The following ILKAP variants were observed in gnomAD, a reference collection of about 807,000 sequenced individuals.
ILKAP encodes the protein integrin-linked kinase-associated serine/threonine phosphatase 2C.
Under a neutral mutation model 49.1 loss-of-function variants are expected in ILKAP, and 11 were observed. The ratio of observed to expected loss-of-function variants is 0.22; its 90% CI spans 0.14 to 0.37. The LOEUF (loss-of-function observed/expected upper bound fraction) is 0.37, where lower values mean the gene tolerates loss of function less well. ILKAP is among the 10% of genes least tolerant of loss of function. The pLI is 1.00. For missense variants in ILKAP, 363 were observed against 510.8 expected (o/e 0.71, Z 2.79); for synonymous variants, 186 against 192.8 (o/e 0.96, Z 0.29).
In ILKAP at chr2:238,188,140, G is replaced by A. The variant is rs1251775209; in HGVS notation, c.416C>T (p.Ser139Leu). The A allele has an allele frequency of 1.9e-6, 3 of 1,614,096 alleles. No homozygotes were observed. Among genetic ancestry groups the A allele is most frequent in the East Asian group, 2.2e-5 (1 of 44,882 alleles). The stretch of plus-strand genomic sequence containing the variant: ...ACCACATGAGACTCACATGAGGGAC[G>A]ATGGGGGCCTACACTCCTCGGTGAT... ...NDITEECRPP[S>L]SLITRVSYFA... Residue 139 changes from serine to leucine, a missense_variant, in exon 5 of 12, where the codon TCG (serine) becomes TTG (leucine). By Grantham distance (145) the Ser-to-Leu change is moderately radical. Transcript: ENST00000254654.
chr2:238,182,268 A>C, intron 8 of ILKAP, 82 bp from the exon 9 acceptor site: 7 of 1,505,372 alleles, frequency 4.7e-6, no homozygotes, highest in Non-Finnish European at 5.5e-6. Flanking sequence ...ACAGTTAACA[A>C]TGGAGTTTGA....
chr2:238,182,670 A>C (rs1302153502), intron 8 of ILKAP, among the ~76,000 whole-genome samples: 1 of 152,232 alleles, frequency 6.6e-6, no homozygotes, highest in Non-Finnish European at 1.5e-5. Flanking sequence ...TCTGTTTTAC[A>C]GGAAGACACT....
chr2:238,171,142 GT>G (rs1013383861), intron 10 of ILKAP, 118 bp from the exon 11 acceptor site: 166 of 551,988 alleles, frequency 3.0e-4, no homozygotes, highest in Middle Eastern at 1.3e-3. Flanking sequence ...AAAGGCTAAG[GT>G]TTTTTTTTTC....
rs530746065 is a variant in ILKAP, at chr2:238,191,116, G to A, written c.179-1144C>T. 8.6e-5 allele frequency among the ~76,000 whole-genome samples: 13 copies of A among 151,438 alleles called. 1 individual carries two copies. The Middle Eastern group carries it at 0.01, about 121-fold the overall frequency. Reference sequence around the variant, plus strand: ...ACTGAAAGCAGGAACCACTACACCCGGCTAATTTTTTAATTTTTTTGGTAA... The same window carrying A: ...ACTGAAAGCAGGAACCACTACACCCAGCTAATTTTTTAATTTTTTTGGTAA... On this transcript the variant is annotated intron_variant, in intron 3 of 11. Transcript: ENST00000254654.
At chr2:238,182,294 A>G (rs536589749) in intron 8 of ILKAP, 108 bp from the exon 9 acceptor site, 5 of 1,325,510 alleles carry the variant, frequency 3.8e-6, no homozygotes, top group Non-Finnish European at 5.3e-6. Context: ...ACAGTTAACA[A>G]TGGAGTTTCA....
intron 9 of ILKAP, among the ~76,000 whole-genome samples, chr2:238,175,124 T>C (rs1029034567): frequency 6.7e-6 from 1 of 148,920 alleles, no homozygotes; most frequent in Non-Finnish European, 1.5e-5. Flanking sequence ...CATTCTCTCT[T>C]TTTTTTTTTA....
chr2:238,198,950 A>G (rs1694458000), intron 1 of ILKAP, among the ~76,000 whole-genome samples: 1 of 152,206 alleles, frequency 6.6e-6, no homozygotes, highest in South Asian at 2.1e-4. Context: ...TATTATCAGA[A>G]AAAAGGGGGG....
At chr2:238,184,168 C>T in intron 6 of ILKAP, 55 bp from the exon 7 acceptor site, 1 of 956,330 alleles carries the variant, frequency 1.0e-6, no homozygotes, top group South Asian at 1.3e-5. Context: ...GATTATCCTC[C>T]TCCCACTGTC....
intron 8 of ILKAP, among the ~76,000 whole-genome samples, chr2:238,182,723 G>C (rs902664215): frequency 6.6e-6 from 1 of 152,198 alleles, no homozygotes; most frequent in Non-Finnish European, 1.5e-5. Flanking sequence ...ACAGAGCAGA[G>C]CCAGGATTCA....
chr2:238,191,531 A>G (rs768641518), intron 3 of ILKAP, among the ~76,000 whole-genome samples: 5 of 152,220 alleles, frequency 3.3e-5, no homozygotes, highest in Non-Finnish European at 7.3e-5. Flanking sequence ...TATCTCTCCC[A>G]AAGGTCCCCA....
chr2:238,184,410 G>A (rs905213329), intron 6 of ILKAP, among the ~76,000 whole-genome samples: 6 of 151,832 alleles, frequency 4.0e-5, no homozygotes, highest in African/African-American at 1.2e-4. Context: ...GGCTGGTCTC[G>A]AACTCCTGAC....
chr2:238,174,558 A>T (rs1693365259), intron 9 of ILKAP, among the ~76,000 whole-genome samples: 1 of 152,208 alleles, frequency 6.6e-6, no homozygotes, highest in Admixed American at 6.5e-5. Context: ...TGCGGTGCAG[A>T]TGGCTGCACA....
intron 3 of ILKAP, 114 bp downstream of exon 3, chr2:238,194,161 T>C: frequency 1.2e-6 from 1 of 808,994 alleles, no homozygotes; most frequent in South Asian, 1.6e-5. Context: ...CCTTATGCTG[T>C]ATTATGACTT....
At chr2:238,184,955 T>C (rs543513248) in intron 6 of ILKAP, among the ~76,000 whole-genome samples, 3 of 152,100 alleles carry the variant, frequency 2.0e-5, no homozygotes, top group Non-Finnish European at 4.4e-5. Context: ...CCAAAGACGA[T>C]TGACAAAAGG....
chr2:238,201,193 T>A lies in ILKAP; in HGVS notation c.55+2306A>T, dbSNP rs528928254. Among the ~76,000 whole-genome samples the A allele has an allele frequency of 1.8e-4, 26 of 144,008 alleles. 1 individual carries two copies. Among genetic ancestry groups the A allele is most frequent in the African/African-American group, 5.1e-4 (20 of 38,926 alleles). The allele number at this position is 144,008 out of a possible 152,430, so 94.5% of individuals were successfully genotyped here. ...TTATTCAAAGTATGTTTTTTTTTTT[T>A]AAATCACAGTATTTTCACAAGTATG... On this transcript the variant is annotated intron_variant, in intron 1 of 11. Coordinates refer to ENST00000254654, the MANE Select transcript of ILKAP (RefSeq NM_030768.3).
At chr2:238,200,748 C>T (rs79707752) in intron 1 of ILKAP, among the ~76,000 whole-genome samples, 7 of 152,156 alleles carry the variant, frequency 4.6e-5, no homozygotes, top group Admixed American at 3.9e-4. Flanking sequence ...CCTGTGCCCA[C>T]GGAGGTCGAG....
intron 1 of ILKAP, among the ~76,000 whole-genome samples, chr2:238,196,192 G>C (rs932239402): frequency 7.0e-6 from 1 of 143,112 alleles, no homozygotes; most frequent in African/African-American, 2.6e-5. Flanking sequence ...CCGGGTTCAA[G>C]CTATTCTCCT....
chr2:238,182,225 G>T, intron 8 of ILKAP, 39 bp from the exon 9 acceptor site: 1 of 1,610,036 alleles, frequency 6.2e-7, no homozygotes, highest in South Asian at 1.1e-5. Flanking sequence ...GAAATTCAGT[G>T]GGCGCAGCAT....
rs1253200294 is a variant in ILKAP, at chr2:238,193,639, G to C, written c.178+636C>G. 3.9e-5 allele frequency among the ~76,000 whole-genome samples: 6 copies of C among 152,316 alleles called. No homozygotes were observed. In the South Asian group the frequency reaches 1.2e-3, roughly 32 times the overall value. ...GTATGGGTCTACAGCCCTGAAGATTGAGAATTCTTATATAAGATGACTGGA... is the reference window on the plus strand; with the variant it reads ...GTATGGGTCTACAGCCCTGAAGATTCAGAATTCTTATATAAGATGACTGGA... On this transcript the variant is annotated intron_variant, in intron 3 of 11. Coordinates refer to ENST00000254654, the MANE Select transcript of ILKAP (RefSeq NM_030768.3).
Sources: allele counts gnomAD v4.1 joint callset (sites outside exome capture counted in the v4.1 genomes callset), GRCh38; gene constraint gnomAD v4.1.1; transcripts MANE v1.5; gene names NCBI Gene and HGNC (gene_info 2026-07-23, HGNC 2026-07-21).